RAB43: variants seen among roughly 807,000 people sequenced by gnomAD.
RAB43 encodes the protein RAB43, member RAS oncogene family.
A neutral mutation model predicts 18.8 loss-of-function variants in RAB43; 6 were observed. The observed-to-expected ratio is 0.32, with a 90% confidence interval of 0.17 to 0.63. The LOEUF (loss-of-function observed/expected upper bound fraction) is 0.63, where lower values mean the gene tolerates loss of function less well. RAB43 is among the 30% of genes least tolerant of loss of function. The pLI is 0.79. For synonymous variants in RAB43, 103 were observed against 124.1 expected (o/e 0.83, Z 1.13); for missense variants, 195 against 289.1 (o/e 0.67, Z 2.36).
chr3:129,111,309 G>T (rs1338811915), intron 1 of RAB43, among the ~76,000 whole-genome samples: 1 of 152,032 alleles, frequency 6.6e-6, no homozygotes, highest in Non-Finnish European at 1.5e-5. Context: ...AAGGTCAGGA[G>T]TTTGAGACCA....
rs1935708635 is a variant in RAB43 at position 129,118,753 on chromosome 3, T to C, written c.204+2533A>G. On this transcript the variant is annotated intron_variant, in intron 1 of 2. Transcript: ENST00000315150. ...TGCTGGCCAGGCTCATCTCGAACTCTTGACATCCAGCAATCTTCCTGCCTC... is the reference window on the plus strand; with the variant it reads ...TGCTGGCCAGGCTCATCTCGAACTCCTGACATCCAGCAATCTTCCTGCCTC... Among the ~76,000 whole-genome samples, 3 of 152,300 alleles carry C rather than the reference T, an allele frequency of 2.0e-5. No individual in the cohort carries two copies. In the South Asian group the frequency reaches 6.2e-4, roughly 32 times the overall value.
chr3:129,106,351 AT>A (rs978568027), intron 1 of RAB43, among the ~76,000 whole-genome samples: 1 of 152,076 alleles, frequency 6.6e-6, no homozygotes, highest in African/African-American at 2.4e-5. Context: ...TTCCTGAGCT[AT>A]TTTTCATTGT....
At chr3:129,106,899 G>A (rs1281848865) in intron 1 of RAB43, among the ~76,000 whole-genome samples, 6 of 152,200 alleles carry the variant, frequency 3.9e-5, no homozygotes, top group South Asian at 2.1e-4. Flanking sequence ...CAGGATGTGC[G>A]TTCCTGTTCC....
intron 1 of RAB43, among the ~76,000 whole-genome samples, chr3:129,116,571 C>T (rs1935540561): frequency 6.6e-6 from 1 of 152,234 alleles, no homozygotes; most frequent in Admixed American, 6.5e-5. Context: ...TCCCGCCCTG[C>T]CCCCTCTTTT....
At chr3:129,116,575 C>T (rs371295154) in intron 1 of RAB43, among the ~76,000 whole-genome samples, 1 of 152,226 alleles carries the variant, frequency 6.6e-6, no homozygotes, top group South Asian at 2.1e-4. Flanking sequence ...GCCCTGCCCC[C>T]TCTTTTTGAA....
chr3:129,115,898 TG>T (rs1935492780), intron 1 of RAB43, among the ~76,000 whole-genome samples: 1 of 152,180 alleles, frequency 6.6e-6, no homozygotes, highest in African/African-American at 2.4e-5. Flanking sequence ...CTGAGTAGCA[TG>T]ATGAAATCTC....
intron 1 of RAB43, among the ~76,000 whole-genome samples, chr3:129,110,847 C>A (rs902842612): frequency 1.3e-5 from 2 of 150,404 alleles, no homozygotes; most frequent in African/African-American, 4.9e-5. Context: ...GAATCACGCA[C>A]TTTAAGTGGG....
intron 1 of RAB43, among the ~76,000 whole-genome samples, chr3:129,099,431 G>A (rs1467869281): frequency 6.7e-6 from 1 of 149,650 alleles, no homozygotes; most frequent in African/African-American, 2.5e-5. Context: ...CTGTTGTCCA[G>A]GCTGGAGTGC....
intron 1 of RAB43, among the ~76,000 whole-genome samples, chr3:129,102,281 T>C (rs1259756446): frequency 6.6e-6 from 1 of 152,220 alleles, no homozygotes; most frequent in Non-Finnish European, 1.5e-5. Flanking sequence ...CCCTTCTCTC[T>C]GGCTCTGTTT....
chr3:129,116,666 C>CTT (rs1282774329), intron 1 of RAB43, among the ~76,000 whole-genome samples: 15 of 152,290 alleles, frequency 9.8e-5, no homozygotes, highest in African/African-American at 3.4e-4. Flanking sequence ...GTCCTGAAAT[C>CTT]TGGAGGTCCA....
In RAB43 at chr3:129,121,575, C is replaced by G; in HGVS notation, c.-86G>C. On this transcript the variant is annotated 5_prime_UTR_variant, in exon 1 of 3. Coordinates refer to ENST00000315150, the MANE Select transcript of RAB43 (RefSeq NM_198490.3). ...AGCCGCGGGCCGAGCTCCGCCCGCT[C>G]CAGCCCACGGGCCGCCTGGCTACGT... The G allele has an allele frequency of 8.4e-7, 1 of 1,189,820 alleles. No homozygotes were observed. Among genetic ancestry groups the G allele is most frequent in the Non-Finnish European group, 1.1e-6 (1 of 873,594 alleles). 73.7% of individuals were successfully genotyped at this position (1,189,820 alleles called of 1,614,324 possible).
At chr3:129,116,321 G>A (rs966409835) in intron 1 of RAB43, among the ~76,000 whole-genome samples, 3 of 152,154 alleles carry the variant, frequency 2.0e-5, no homozygotes, top group Non-Finnish European at 2.9e-5. Context: ...AAGAAACCTC[G>A]AGAGGCAAGG....
chr3:129,118,329 T>TA (rs1172338218), intron 1 of RAB43, among the ~76,000 whole-genome samples: 1 of 152,200 alleles, frequency 6.6e-6, no homozygotes, highest in Non-Finnish European at 1.5e-5. Flanking sequence ...GCTACAGAAA[T>TA]AAAGTAATTT....
At chr3:129,104,883 G>C (rs1934658926) in intron 1 of RAB43, among the ~76,000 whole-genome samples, 1 of 152,202 alleles carries the variant, frequency 6.6e-6, no homozygotes, top group African/African-American at 2.4e-5. Flanking sequence ...CAGGACCCCA[G>C]TTCAAAAGTC....
chr3:129,104,279 C>A (rs75607040), intron 1 of RAB43, among the ~76,000 whole-genome samples: 3,961 of 152,258 alleles, frequency 0.026, 188 homozygotes, highest in East Asian at 0.22. Flanking sequence ...CTATCCCCCA[C>A]CCCCAAGCTC....
At chr3:129,108,656 G>A (rs1308816673) in intron 1 of RAB43, among the ~76,000 whole-genome samples, 2 of 152,188 alleles carry the variant, frequency 1.3e-5, no homozygotes, top group African/African-American at 2.4e-5. Flanking sequence ...AACTAAGCTC[G>A]ACAGAGTACC....
chr3:129,102,054 C>T (rs892584770), intron 1 of RAB43, among the ~76,000 whole-genome samples: 2 of 152,168 alleles, frequency 1.3e-5, no homozygotes. Context: ...GAGAGGCCTC[C>T]GCACCCTAGG....
At chr3:129,104,226 G>A (rs1576830539) in intron 1 of RAB43, among the ~76,000 whole-genome samples, 2 of 152,210 alleles carry the variant, frequency 1.3e-5, no homozygotes, top group Admixed American at 1.3e-4. Flanking sequence ...ACCTTAAACT[G>A]CTGAAAACAT....
At chr3:129,093,654 G>A (rs1933827915) in intron 2 of RAB43, among the ~76,000 whole-genome samples, 1 of 152,060 alleles carries the variant, frequency 6.6e-6, no homozygotes, top group Non-Finnish European at 1.5e-5. Context: ...GCTACGTGAG[G>A]AAAGCTCTGT....
Sources: gnomAD v4.1 joint callset for allele counts (sites outside exome capture counted in the v4.1 genomes callset) on GRCh38, gnomAD v4.1.1 for gene constraint, MANE v1.5 for transcripts, NCBI Gene and HGNC (gene_info 2026-07-23, HGNC 2026-07-21) for gene names.